The following GRIK4 variants were observed in gnomAD, a reference collection of about 807,000 sequenced individuals.
GRIK4 encodes the protein glutamate receptor ionotropic, kainate 4.
GRIK4 carries 40 observed loss-of-function variants against 104.9 expected under a neutral mutation model. The observed-to-expected ratio is 0.38, with a 90% confidence interval of 0.30 to 0.50. GRIK4 has a LOEUF of 0.50. Among genes scored for constraint, GRIK4 ranks in the 20% least tolerant of loss-of-function variants. The probability of loss-of-function intolerance (pLI) is 0.93; values close to 1 mark genes in which losing one functional copy is unlikely to be tolerated. For synonymous variants in GRIK4, 485 were observed against 524.9 expected (o/e 0.92, Z 1.04); for missense variants, 1,047 against 1,308.1 (o/e 0.80, Z 3.08).
Position 120,903,909 on chromosome 11 carries a change from G to A in GRIK4, c.1273-1381G>A, listed in dbSNP as rs1011322436. Among the ~76,000 whole-genome samples the A allele has an allele frequency of 5.3e-5, 8 of 152,242 alleles. No individual in the cohort carries two copies. The highest frequency in any genetic ancestry group is 3.9e-4 in the Admixed American group (6 of 15,286). ...CACATGATCAACACGCTGGTTCCCA[G>A]CCCTGCTAGGTCTGTGAGAATGGTG... On this transcript the variant is annotated intron_variant, in intron 12 of 20. Transcript: ENST00000527524. The surrounding 1 kb of genome is among the most constrained non-coding windows in gnomAD (Gnocchi z 4.4).
intron 1 of GRIK4, among the ~76,000 whole-genome samples, chr11:120,576,792 T>G (rs1265958401): frequency 6.6e-6 from 1 of 152,176 alleles, no homozygotes. Context: ...GAGGAGCCTG[T>G]GTTCCCAAGG....
intron 19 of GRIK4, among the ~76,000 whole-genome samples, chr11:120,973,114 A>C (rs891591282): frequency 6.6e-6 from 1 of 152,196 alleles, no homozygotes; most frequent in Non-Finnish European, 1.5e-5. Context: ...GAAATGACTG[A>C]AAATTCTCTA....
intron 3 of GRIK4, among the ~76,000 whole-genome samples, chr11:120,681,331 C>G (rs1469019808): frequency 1.3e-5 from 2 of 152,124 alleles, no homozygotes; most frequent in Non-Finnish European, 2.9e-5. Context: ...AGGCTCACAT[C>G]AGCTCTCCAA....
At chr11:120,738,263 G>A (rs1481272783) in intron 3 of GRIK4, among the ~76,000 whole-genome samples, 3 of 152,236 alleles carry the variant, frequency 2.0e-5, no homozygotes, top group Admixed American at 1.3e-4. Context: ...GGACTTTGGT[G>A]CAAGGGAAGT....
chr11:120,810,913 T>G (rs1167804641), intron 4 of GRIK4, among the ~76,000 whole-genome samples: 2 of 152,220 alleles, frequency 1.3e-5, no homozygotes, highest in Non-Finnish European at 1.5e-5. Flanking sequence ...CACTGTAGTT[T>G]GTTGCCTACA....
chr11:120,792,871 C>T, intron 3 of GRIK4, among the ~76,000 whole-genome samples: 1 of 152,096 alleles, frequency 6.6e-6, no homozygotes, highest in East Asian at 1.9e-4. Context: ...TGAAATAGAT[C>T]AATCAGGAAG....
chr11:120,595,236 C>G (rs1251043252), intron 1 of GRIK4, among the ~76,000 whole-genome samples: 1 of 152,222 alleles, frequency 6.6e-6, no homozygotes. Context: ...TGTGCACACG[C>G]CATTCCCTCT....
intron 19 of GRIK4, among the ~76,000 whole-genome samples, chr11:120,979,770 A>G (rs1314236739): frequency 6.6e-6 from 1 of 152,170 alleles, no homozygotes; most frequent in East Asian, 1.9e-4. Flanking sequence ...AAGGGGAAAG[A>G]AAACCCCCTC....
intron 3 of GRIK4, among the ~76,000 whole-genome samples, chr11:120,775,208 A>G (rs775842891): frequency 3.6e-4 from 55 of 152,204 alleles, no homozygotes; most frequent in Non-Finnish European, 6.9e-4. Context: ...TCTGCTGGCA[A>G]GCCCAGAGCT....
intron 13 of GRIK4, among the ~76,000 whole-genome samples, chr11:120,927,156 G>C (rs977515651): frequency 6.7e-6 from 1 of 148,866 alleles, no homozygotes; most frequent in African/African-American, 2.4e-5. Context: ...TATCACCAAC[G>C]CCTGGTGGGC....
intron 3 of GRIK4, among the ~76,000 whole-genome samples, chr11:120,729,604 G>T (rs1951093135): frequency 6.6e-6 from 1 of 152,112 alleles, no homozygotes; most frequent in Non-Finnish European, 1.5e-5. Context: ...TTCTTAATTG[G>T]ATCATTGGAC....
intron 1 of GRIK4, among the ~76,000 whole-genome samples, chr11:120,532,889 C>T (rs1253600958): frequency 3.3e-5 from 5 of 152,112 alleles, no homozygotes; most frequent in South Asian, 2.1e-4. Context: ...GGGATGAGCC[C>T]GGTAGGGCTG....
chr11:120,944,007 G>C (rs546937743), intron 14 of GRIK4, among the ~76,000 whole-genome samples: 18 of 152,252 alleles, frequency 1.2e-4, no homozygotes, highest in South Asian at 2.1e-4. Context: ...CTCTGTTTCT[G>C]TTCAGGCATC....
chr11:120,679,122 A>G (rs1179397050), intron 3 of GRIK4, among the ~76,000 whole-genome samples: 1 of 152,164 alleles, frequency 6.6e-6, no homozygotes, highest in Non-Finnish European at 1.5e-5. Flanking sequence ...AGTATTTATT[A>G]TGTGCCAGGC....
intron 13 of GRIK4, among the ~76,000 whole-genome samples, chr11:120,934,582 G>C (rs897153164): frequency 6.6e-6 from 1 of 152,176 alleles, no homozygotes; most frequent in Non-Finnish European, 1.5e-5. Context: ...AGGCCAAAGA[G>C]AGTATGTTTT....
rs528014009 is a variant in GRIK4, at chr11:120,851,312, G to A, written c.745-10647G>A. Among the ~76,000 whole-genome samples, 6 of 152,170 alleles carry A rather than the reference G, an allele frequency of 3.9e-5. No individual in the cohort carries two copies. In the South Asian group the frequency reaches 1.2e-3, roughly 32 times the overall value. On this transcript the variant is annotated intron_variant, in intron 8 of 20. Coordinates refer to ENST00000527524, the MANE Select transcript of GRIK4 (RefSeq NM_014619.5). The stretch of plus-strand genomic sequence containing the variant: ...TCTGTTATAAGCTCTTGCTGTTCTG[G>A]GGCTCTGCACATGCTGTGGTTTCTC...
intron 3 of GRIK4, among the ~76,000 whole-genome samples, chr11:120,670,653 C>T (rs1421745703): frequency 6.6e-6 from 1 of 152,246 alleles, no homozygotes; most frequent in African/African-American, 2.4e-5. Context: ...TCCTCTAGCC[C>T]TGCCTCTGCC....
Position 120,982,123 on chromosome 11 carries a change from A to G in GRIK4, c.2413A>G (p.Ile805Val). 6.2e-7 allele frequency: 1 copy of G among 1,608,178 alleles called. No individual in the cohort carries two copies. Among genetic ancestry groups the G allele is most frequent in the Non-Finnish European group, 8.5e-7 (1 of 1,174,616 alleles). ...HRAKGLGMEN[I>V]GGIFVVLICG... The stretch of plus-strand genomic sequence containing the variant: ...TCTTACAGGCCTGGGAATGGAGAAT[A>G]TTGGTGGAATCTTTGTGGTTCTTAT... Residue 805 changes from isoleucine (I) to valine (V), a missense_variant, in exon 20 of 21, where the codon ATT (isoleucine) becomes GTT (valine). Coordinates refer to ENST00000527524, the MANE Select transcript of GRIK4 (RefSeq NM_014619.5).
chr11:120,872,176 A>C, intron 9 of GRIK4: 1 of 323,474 alleles, frequency 3.1e-6, no homozygotes, highest in South Asian at 2.7e-5. Flanking sequence ...GCACTTTTAC[A>C]GACTTGTGAG....
Sources: allele counts gnomAD v4.1 joint callset (sites outside exome capture counted in the v4.1 genomes callset), GRCh38; gene constraint gnomAD v4.1.1; non-coding constraint Gnocchi (gnomAD v3.1); transcripts MANE v1.5; gene names NCBI Gene and HGNC (gene_info 2026-07-23, HGNC 2026-07-21).